OR51B5: variants seen among roughly 807,000 people sequenced by gnomAD.
OR51B5 encodes olfactory receptor 51B5.
For synonymous variants in OR51B5, 186 were observed against 144.8 expected (o/e 1.28, Z -2.04); for missense variants, 456 against 374.6 (o/e 1.22, Z -1.79).
At chr11:5,367,606 A>C (rs7479757) in intron 1 of OR51B5, among the ~76,000 whole-genome samples, 145,839 of 152,168 alleles carry the variant, frequency 0.96, 70,274 homozygotes, top group Non-Finnish European at 0.98. Flanking sequence ...TTTACTGCAA[A>C]CTGTTTTTTC....
intron 1 of OR51B5, among the ~76,000 whole-genome samples, chr11:5,489,987 T>C (rs930923453): frequency 1.1e-4 from 16 of 152,208 alleles, no homozygotes; most frequent in Non-Finnish European, 1.5e-5. Context: ...TATTCTCCTG[T>C]GACTCCAAGT....
At chr11:5,464,942 C>A (rs1270919896) in intron 1 of OR51B5, among the ~76,000 whole-genome samples, 2 of 152,280 alleles carry the variant, frequency 1.3e-5, no homozygotes, top group East Asian at 3.9e-4. Flanking sequence ...CGCGGTGGCT[C>A]ACGCCTGTAA....
intron 1 of OR51B5, among the ~76,000 whole-genome samples, chr11:5,434,649 A>G (rs1850569701): frequency 6.6e-6 from 1 of 152,218 alleles, no homozygotes; most frequent in South Asian, 2.1e-4. Flanking sequence ...AAAGAGGAAC[A>G]TGCAGGACAG....
At chr11:5,397,578 T>C (rs1456217091) in intron 1 of OR51B5, among the ~76,000 whole-genome samples, 4 of 150,452 alleles carry the variant, frequency 2.7e-5, no homozygotes, top group African/African-American at 7.3e-5. Context: ...TGTGGAGAAA[T>C]AGGAACACTT....
intron 1 of OR51B5, among the ~76,000 whole-genome samples, chr11:5,460,437 A>T (rs1228432926): frequency 6.6e-6 from 1 of 151,206 alleles, no homozygotes; most frequent in Non-Finnish European, 1.5e-5. Flanking sequence ...TATTTCTAGA[A>T]GTTCAGTTTG....
chr11:5,360,436 G>A (rs1027933734), intron 1 of OR51B5, among the ~76,000 whole-genome samples: 8 of 151,318 alleles, frequency 5.3e-5, no homozygotes, highest in African/African-American at 1.9e-4. Flanking sequence ...CAAAACCACA[G>A]TGAGATACCA....
intron 1 of OR51B5, among the ~76,000 whole-genome samples, chr11:5,349,550 C>T (rs911595281): frequency 3.3e-5 from 5 of 151,900 alleles, no homozygotes; most frequent in Non-Finnish European, 7.4e-5. Context: ...CATATTTTTA[C>T]TACCAAAAAA....
chr11:5,343,395 G>A (rs985219587), exon 1 of OR51B5: 3 of 1,613,960 alleles, frequency 1.9e-6, no homozygotes, highest in Non-Finnish European at 2.5e-6. Context: ...ATGAGAAGAA[G>A]GAGGGTGCCA....
chr11:5,463,920 G>A (rs1370640407), intron 1 of OR51B5, among the ~76,000 whole-genome samples: 1 of 152,210 alleles, frequency 6.6e-6, no homozygotes, highest in African/African-American at 2.4e-5. Flanking sequence ...TGCACTGTGA[G>A]GGCAGTGTGT....
In OR51B5 at chr11:5,422,962, C is replaced by T. The variant is rs1350454826; in HGVS notation, n.85-76052G>A. 5 of 1,613,996 alleles carry T rather than the reference C, an allele frequency of 3.1e-6. No individual in the cohort carries two copies. The African/African-American group carries it at 6.7e-5, about 22-fold the overall frequency. On this transcript the variant is annotated intron_variant and non_coding_transcript_variant, in intron 1 of 4. Coordinates refer to the OR51B5 transcript ENST00000415970. ...ACATTCTAGCTGTCCTGGTCCTCTACATTCCCATGGTTGGTGTATCTATGA... is the reference window on the plus strand; with the variant it reads ...ACATTCTAGCTGTCCTGGTCCTCTATATTCCCATGGTTGGTGTATCTATGA...
intron 1 of OR51B5, among the ~76,000 whole-genome samples, chr11:5,458,443 T>G (rs1026834185): frequency 6.6e-6 from 1 of 152,214 alleles, no homozygotes; most frequent in African/African-American, 2.4e-5. Context: ...CTCTTTGCAT[T>G]CTTTTTTGTT....
At chr11:5,497,456 T>C (rs943616048) in intron 1 of OR51B5, among the ~76,000 whole-genome samples, 13 of 152,102 alleles carry the variant, frequency 8.5e-5, no homozygotes, top group Non-Finnish European at 1.3e-4. Flanking sequence ...AAAGACAAAA[T>C]TGAGTCCACT....
Position 5,485,583 on chromosome 11 carries a change from A to G in OR51B5, n.84+19986T>C, listed in dbSNP as rs1851486283. Among the ~76,000 whole-genome samples the G allele has an allele frequency of 2.0e-5, 3 of 152,228 alleles. No homozygotes were observed. The South Asian group carries it at 6.2e-4, about 32-fold the overall frequency. On this transcript the variant is annotated intron_variant and non_coding_transcript_variant, in intron 1 of 4. Coordinates refer to the OR51B5 transcript ENST00000415970. ...CTTCTGTGGCCTAAGGATCTAGCCT[A>G]TCTTGCCTATGCTCCTTGCACCCCC...
At chr11:5,467,472 T>A (rs1347702470) in intron 1 of OR51B5, among the ~76,000 whole-genome samples, 1 of 152,244 alleles carries the variant, frequency 6.6e-6, no homozygotes, top group Non-Finnish European at 1.5e-5. Flanking sequence ...TTCTTACATG[T>A]CTTCATTCCC....
intron 1 of OR51B5, chr11:5,505,207 G>C: frequency 1.1e-6 from 1 of 899,642 alleles, no homozygotes; most frequent in South Asian, 1.9e-5. Context: ...GGTTTTCTTT[G>C]GCTCAAATGG....
At chr11:5,499,893 T>G (rs1424747826) in intron 1 of OR51B5, among the ~76,000 whole-genome samples, 8 of 152,192 alleles carry the variant, frequency 5.3e-5, no homozygotes, top group Non-Finnish European at 1.2e-4. Context: ...TAAATTCCCA[T>G]CTGTGACTAG....
At chr11:5,451,198 A>G (rs868030516) in intron 1 of OR51B5, among the ~76,000 whole-genome samples, 50 of 152,240 alleles carry the variant, frequency 3.3e-4, no homozygotes, top group African/African-American at 1.2e-3. Flanking sequence ...TCCCCAAGGT[A>G]AGGGAAGGGA....
At chr11:5,385,540 T>C (rs922933308) in intron 1 of OR51B5, 1 of 152,124 alleles carries the variant, frequency 6.6e-6, no homozygotes, top group African/African-American at 2.4e-5. Context: ...TCTTAGACAC[T>C]GTCAGGCTCC....
chr11:5,411,736 G>A (rs546422757), intron 1 of OR51B5, among the ~76,000 whole-genome samples: 1 of 152,284 alleles, frequency 6.6e-6, no homozygotes, highest in East Asian at 1.9e-4. Flanking sequence ...ATAATCAAGT[G>A]AGCCCAACAT....
Sources: gnomAD v4.1 joint callset for allele counts (sites outside exome capture counted in the v4.1 genomes callset) on GRCh38, gnomAD v4.1.1 for gene constraint, MANE v1.5 for transcripts, NCBI Gene and HGNC (gene_info 2026-07-23, HGNC 2026-07-21) for gene names.